ALK: variants seen among roughly 807,000 people sequenced by gnomAD.
ALK encodes the protein ALK receptor tyrosine kinase.
ALK carries 74 observed loss-of-function variants against 163.1 expected under a neutral mutation model. That is an observed-to-expected ratio of 0.45 (90% confidence interval 0.38 to 0.55). The LOEUF (loss-of-function observed/expected upper bound fraction) is 0.55, where lower values mean the gene tolerates loss of function less well. Among genes scored for constraint, ALK ranks in the 20% least tolerant of loss-of-function variants. The probability of loss-of-function intolerance (pLI) is 0.00; values close to 1 mark genes in which losing one functional copy is unlikely to be tolerated. For missense variants in ALK, 2,063 were observed against 2,105.3 expected, an observed-to-expected ratio of 0.98 and a Z score of 0.39; for synonymous variants, 960 against 843.2, an observed-to-expected ratio of 1.14 and a Z score of -2.40.
chr2:29,797,550 C>T (rs7564486), intron 1 of ALK, among the ~76,000 whole-genome samples: 27,906 of 152,120 alleles, frequency 0.18, 2,871 homozygotes, highest in East Asian at 0.39. Flanking sequence ...CCTTTTGGAA[C>T]TCTAGGATCC....
At chr2:29,735,807 AT>A (rs745370613) in intron 1 of ALK, among the ~76,000 whole-genome samples, 4 of 151,974 alleles carry the variant, frequency 2.6e-5, no homozygotes, top group Non-Finnish European at 4.4e-5. Context: ...ATTTGCTTCA[AT>A]TTCTGCCACA....
chr2:29,546,998 G>A (rs1327822871), intron 3 of ALK, among the ~76,000 whole-genome samples: 1 of 152,168 alleles, frequency 6.6e-6, no homozygotes, highest in Non-Finnish European at 1.5e-5. Flanking sequence ...GTCACCTGCT[G>A]CCACTCTGGG....
In ALK at chr2:29,641,020, A is replaced by G. The variant is rs564202534; in HGVS notation, c.952+53830T>C. 2.5e-4 allele frequency among the ~76,000 whole-genome samples: 38 copies of G among 152,284 alleles called. No individual in the cohort carries two copies. The South Asian group carries it at 7.7e-3, about 31-fold the overall frequency. ...ATGTCGGGACATTCCAGAAGCTGAAAACAGTATAGTGCTTGGCGGGGGCAG... is the reference window on the plus strand; with the variant it reads ...ATGTCGGGACATTCCAGAAGCTGAAGACAGTATAGTGCTTGGCGGGGGCAG... On this transcript the variant is annotated intron_variant, in intron 3 of 28. Coordinates refer to ENST00000389048, the MANE Select transcript of ALK (RefSeq NM_004304.5).
At chr2:29,569,423 A>C (rs1474255065) in intron 3 of ALK, among the ~76,000 whole-genome samples, 1 of 152,148 alleles carries the variant, frequency 6.6e-6, no homozygotes, top group Admixed American at 6.5e-5. Flanking sequence ...TAAATCACTT[A>C]ATCTCAGTTT....
At chr2:29,341,735 G>A (rs1277426754) in intron 5 of ALK, among the ~76,000 whole-genome samples, 1 of 152,222 alleles carries the variant, frequency 6.6e-6, no homozygotes, top group Non-Finnish European at 1.5e-5. Context: ...AGGAAGCAGG[G>A]TGTCCTTGGA....
chr2:29,507,833 A>G (rs1208315774), intron 4 of ALK, among the ~76,000 whole-genome samples: 3 of 152,156 alleles, frequency 2.0e-5, no homozygotes, highest in Non-Finnish European at 4.4e-5. Flanking sequence ...GATGTCAATG[A>G]GTTGATGTAT....
intron 4 of ALK, among the ~76,000 whole-genome samples, chr2:29,459,527 A>C (rs1671035772): frequency 1.3e-5 from 2 of 152,112 alleles, no homozygotes; most frequent in African/African-American, 4.8e-5. Context: ...TATTTTTGGC[A>C]ACTGATTGGC....
chr2:29,714,800 C>A (rs1679200299), intron 2 of ALK, among the ~76,000 whole-genome samples: 1 of 152,202 alleles, frequency 6.6e-6, no homozygotes. Flanking sequence ...TCTTTCACGG[C>A]AGTTGAAAGG....
In ALK at chr2:29,508,258, C is replaced by T. The variant is rs527282323; in HGVS notation, c.1154+23657G>A. Among the ~76,000 whole-genome samples, 8 of 152,282 alleles carry T rather than the reference C, an allele frequency of 5.3e-5. No homozygotes were observed. In the South Asian group the frequency reaches 6.2e-4, roughly 12 times the overall value. ...TGCATGTGGACACCCAACGCATTTC[C>T]TTTCTGACTCCTGCTACTGAAAGTG... On this transcript the variant is annotated intron_variant, in intron 4 of 28. Transcript: ENST00000389048.
intron 5 of ALK, among the ~76,000 whole-genome samples, chr2:29,361,863 C>A (rs568514827): frequency 2.6e-5 from 4 of 152,280 alleles, no homozygotes; most frequent in African/African-American, 9.6e-5. Context: ...GTTTATGCCC[C>A]ATTTGAAAGC....
At chr2:29,728,115 T>G (rs1679625681) in intron 1 of ALK, among the ~76,000 whole-genome samples, 1 of 149,780 alleles carries the variant, frequency 6.7e-6, no homozygotes, top group African/African-American at 2.6e-5. Flanking sequence ...TACTCTGGGA[T>G]GTTTTTAAAA....
intron 9 of ALK, among the ~76,000 whole-genome samples, chr2:29,285,536 G>C (rs1266348341): frequency 6.6e-6 from 1 of 151,394 alleles, no homozygotes; most frequent in African/African-American, 2.4e-5. Flanking sequence ...TGGGTTTACA[G>C]GTGTGAGCCA....
chr2:29,297,274 T>C (rs1159805348), intron 8 of ALK, among the ~76,000 whole-genome samples: 2 of 152,204 alleles, frequency 1.3e-5, no homozygotes, highest in Non-Finnish European at 2.9e-5. Flanking sequence ...TTAATTTTTT[T>C]TCTTGGGCAG....
chr2:29,899,525 A>C (rs993337025), intron 1 of ALK: 1 of 152,216 alleles, frequency 6.6e-6, no homozygotes, highest in East Asian at 1.9e-4. Context: ...AAGCTCTCAC[A>C]TGAAATACCA....
intron 3 of ALK, among the ~76,000 whole-genome samples, chr2:29,693,762 T>C (rs1410268278): frequency 1.3e-5 from 2 of 152,176 alleles, no homozygotes; most frequent in Non-Finnish European, 2.9e-5. Flanking sequence ...GGTCCTGGTC[T>C]TTCTACAAAG....
At chr2:29,873,422 A>G (rs1357623377) in intron 1 of ALK, among the ~76,000 whole-genome samples, 1 of 152,170 alleles carries the variant, frequency 6.6e-6, no homozygotes, top group African/African-American at 2.4e-5. Context: ...GCTGGGGCAG[A>G]ACCAGAGTGC....
intron 1 of ALK, among the ~76,000 whole-genome samples, chr2:29,888,377 A>AAC (rs1241621659): frequency 9.8e-5 from 15 of 152,292 alleles, no homozygotes; most frequent in African/African-American, 3.1e-4. Flanking sequence ...AAGAAATATA[A>AAC]ACATCAAGAT....
At chr2:29,618,538 C>T (rs1384997407) in intron 3 of ALK, among the ~76,000 whole-genome samples, 2 of 151,956 alleles carry the variant, frequency 1.3e-5, no homozygotes, top group Non-Finnish European at 2.9e-5. Flanking sequence ...GGGTCCCCTC[C>T]CTGTGCTCCC....
At chr2:29,228,805 G>T in intron 16 of ALK, 79 bp downstream of exon 16, 3 of 972,240 alleles carry the variant, frequency 3.1e-6, no homozygotes. Context: ...GGGGAGGGCA[G>T]GGGAGGGCAG....
Sources: gnomAD v4.1 joint callset for allele counts (sites outside exome capture counted in the v4.1 genomes callset) on GRCh38, gnomAD v4.1.1 for gene constraint, MANE v1.5 for transcripts, NCBI Gene and HGNC (gene_info 2026-07-23, HGNC 2026-07-21) for gene names.